KLRG1: variants seen among roughly 807,000 people sequenced by gnomAD.
The protein encoded by KLRG1 is killer cell lectin like receptor G1, also known as killer cell lectin-like receptor subfamily G member 1.
A neutral mutation model predicts 21.8 loss-of-function variants in KLRG1; 16 were observed. The observed-to-expected ratio is 0.73, with a 90% CI of 0.50 to 1.11. KLRG1 has a LOEUF of 1.11. Among genes scored for constraint, KLRG1 ranks in the 50% most tolerant of loss-of-function variants. The pLI is 0.00. For missense variants in KLRG1, 173 were observed against 218.3 expected, an observed-to-expected ratio of 0.79 and a Z score of 1.31; for synonymous variants, 69 against 75.9, an observed-to-expected ratio of 0.91 and a Z score of 0.47.
chr12:9,099,549 A>G, the KLRG1 span: 32 of 1,595,690 alleles, frequency 2.0e-5, no homozygotes, highest in Middle Eastern at 8.3e-4. Context: ...AATGAGAGGA[A>G]GCCATCATAG....
chr12:9,041,658 A>G, the KLRG1 span, among the ~76,000 whole-genome samples: 3 of 152,134 alleles, frequency 2.0e-5, no homozygotes, highest in Non-Finnish European at 2.9e-5. Context: ...AAGTGTATCT[A>G]CTTGCTGGAG....
chr12:8,982,397 C>A (rs960544726), intron 1 of KLRG1, among the ~76,000 whole-genome samples: 1 of 152,166 alleles, frequency 6.6e-6, no homozygotes, highest in Non-Finnish European at 1.5e-5. Context: ...AGAAGGAAAT[C>A]AGTTCTGCCA....
At chr12:9,017,731 C>T in the KLRG1 span, among the ~76,000 whole-genome samples, 7 of 152,074 alleles carry the variant, frequency 4.6e-5, no homozygotes, top group East Asian at 1.2e-3. Flanking sequence ...TTTTCACCAC[C>T]GTTATTCAAT....
At chr12:9,180,117 T>C in the KLRG1 span, among the ~76,000 whole-genome samples, 1 of 152,312 alleles carries the variant, frequency 6.6e-6, no homozygotes, top group Middle Eastern at 3.4e-3. Context: ...TTACTCTCAA[T>C]AGAGGCTTAT....
chr12:9,195,007 A>T, the KLRG1 span, among the ~76,000 whole-genome samples: 2 of 152,178 alleles, frequency 1.3e-5, no homozygotes, highest in Non-Finnish European at 2.9e-5. Flanking sequence ...AGATTAAATA[A>T]TTATTTAAAA....
the KLRG1 span, among the ~76,000 whole-genome samples, chr12:9,167,855 T>C: frequency 6.6e-6 from 1 of 152,202 alleles, no homozygotes; most frequent in African/African-American, 2.4e-5. Flanking sequence ...TCTATGTAAA[T>C]CTCATGGCTA....
the KLRG1 span, among the ~76,000 whole-genome samples, chr12:9,137,648 A>T: frequency 8.9e-4 from 136 of 152,080 alleles, 1 homozygote; most frequent in Non-Finnish European, 2.6e-4. Flanking sequence ...TAAATCTTCC[A>T]ATCAATGAAC....
chr12:8,979,212 T>C (rs757144206), intron 1 of KLRG1, among the ~76,000 whole-genome samples: 2 of 151,812 alleles, frequency 1.3e-5, no homozygotes, highest in East Asian at 3.9e-4. Context: ...GAGACAGTGT[T>C]TCACCATGTT....
At chr12:9,024,316 C>G in the KLRG1 span, among the ~76,000 whole-genome samples, 1 of 151,992 alleles carries the variant, frequency 6.6e-6, no homozygotes, top group African/African-American at 2.4e-5. Flanking sequence ...TGTGAGCCAC[C>G]GTGCCTGGCC....
At chr12:8,962,717 C>CA (rs34171622) in intron 1 of KLRG1, among the ~76,000 whole-genome samples, 2,407 of 112,928 alleles carry the variant, frequency 0.021, 26 homozygotes, top group Non-Finnish European at 0.028. Context: ...CCCTGTTTCC[C>CA]AAAAAAAAAA....
At chr12:8,977,810 A>G (rs771150343) in intron 1 of KLRG1, among the ~76,000 whole-genome samples, 1 of 152,280 alleles carries the variant, frequency 6.6e-6, no homozygotes, top group South Asian at 2.1e-4. Flanking sequence ...ATTGCATACA[A>G]ATCTGTACAG....
chr12:9,074,886 A>T, the KLRG1 span: 1 of 1,196,960 alleles, frequency 8.4e-7, no homozygotes, highest in Admixed American at 2.2e-5. Context: ...CATGCCCATT[A>T]TAATCCCCTG....
chr12:9,124,289 G>A, the KLRG1 span, among the ~76,000 whole-genome samples: 11 of 152,300 alleles, frequency 7.2e-5, no homozygotes, highest in South Asian at 2.3e-3. Flanking sequence ...GCCGGTGGGA[G>A]CTCCGTCCCT....
chr12:9,208,702 G>A, the KLRG1 span, among the ~76,000 whole-genome samples: 5 of 152,292 alleles, frequency 3.3e-5, no homozygotes, highest in South Asian at 4.1e-4. Flanking sequence ...GACAAAGAAT[G>A]TCAGGGACAT....
the KLRG1 span, among the ~76,000 whole-genome samples, chr12:9,172,793 T>C: frequency 6.6e-6 from 1 of 152,208 alleles, no homozygotes; most frequent in African/African-American, 2.4e-5. Flanking sequence ...TAAATATATA[T>C]GCATCCAATA....
At chr12:9,161,126 C>G in the KLRG1 span, 1 of 1,540,472 alleles carries the variant, frequency 6.5e-7, no homozygotes, top group Non-Finnish European at 8.9e-7. Flanking sequence ...CCTTTAGAAA[C>G]AGACAGCCCA....
the KLRG1 span, among the ~76,000 whole-genome samples, chr12:9,062,542 TA>T: frequency 6.8e-6 from 1 of 147,600 alleles, no homozygotes; most frequent in Admixed American, 6.8e-5. Context: ...GATATGTTTA[TA>T]TCAGATATAT....
the KLRG1 span, among the ~76,000 whole-genome samples, chr12:9,173,659 T>A: frequency 1.3e-5 from 2 of 152,024 alleles, no homozygotes; most frequent in Non-Finnish European, 2.9e-5. Context: ...ACCACTGACC[T>A]CACAGAAACG....
chr12:9,107,488 A>G, the KLRG1 span: 2 of 1,609,610 alleles, frequency 1.2e-6, no homozygotes, highest in Non-Finnish European at 1.7e-6. Flanking sequence ...CAATGCCTTT[A>G]TCGCTATTCT....
Sources: gnomAD v4.1 joint callset for allele counts (sites outside exome capture counted in the v4.1 genomes callset) on GRCh38, gnomAD v4.1.1 for gene constraint, MANE v1.5 for transcripts, NCBI Gene and HGNC (gene_info 2026-07-23, HGNC 2026-07-21) for gene names.